The following RIMS1 variants were observed in gnomAD, a reference collection of about 807,000 sequenced individuals.
RIMS1 encodes the protein regulating synaptic membrane exocytosis 1, also known as regulating synaptic membrane exocytosis protein 1.
RIMS1 carries 83 observed loss-of-function variants against 214.1 expected under a neutral mutation model. The ratio of observed to expected loss-of-function variants is 0.39; its 90% CI spans 0.32 to 0.47. RIMS1 has a LOEUF of 0.47. Among genes scored for constraint, RIMS1 ranks in the 20% least tolerant of loss-of-function variants. The pLI, the probability that RIMS1 is intolerant of heterozygous loss-of-function variation, is 0.99. For synonymous variants in RIMS1, 793 were observed against 786.8 expected, an observed-to-expected ratio of 1.01 and a Z score of -0.13; for missense variants, 2,050 against 2,161.8, an observed-to-expected ratio of 0.95 and a Z score of 1.03.
At chr6:72,078,023 A>G (rs974792486) in intron 2 of RIMS1, among the ~76,000 whole-genome samples, 1 of 152,158 alleles carries the variant, frequency 6.6e-6, no homozygotes, top group Non-Finnish European at 1.5e-5. Flanking sequence ...GCTTTTGTTT[A>G]CTATGATGGT....
intron 10 of RIMS1, among the ~76,000 whole-genome samples, chr6:72,242,820 A>T (rs2067542759): frequency 6.6e-6 from 1 of 151,886 alleles, no homozygotes; most frequent in Non-Finnish European, 1.5e-5. Context: ...AATATTAATG[A>T]TTTCATATGT....
At chr6:71,988,336 C>T (rs1800627890) in intron 2 of RIMS1, among the ~76,000 whole-genome samples, 1 of 151,978 alleles carries the variant, frequency 6.6e-6, no homozygotes, top group African/African-American at 2.4e-5. Context: ...CCTTGTCTAT[C>T]TTATTCTTTT....
intron 1 of RIMS1, among the ~76,000 whole-genome samples, chr6:71,952,081 C>A (rs565548843): frequency 6.6e-6 from 1 of 152,190 alleles, no homozygotes; most frequent in East Asian, 1.9e-4. Flanking sequence ...GCAGGCCTGA[C>A]CCTGACTTAC....
At chr6:72,069,418 G>A (rs1401755754) in intron 2 of RIMS1, among the ~76,000 whole-genome samples, 1 of 152,208 alleles carries the variant, frequency 6.6e-6, no homozygotes, top group Non-Finnish European at 1.5e-5. Context: ...GAGCCTGTAA[G>A]GGCAAATTCA....
At chr6:72,336,345 G>A (rs1451368674) in intron 29 of RIMS1, among the ~76,000 whole-genome samples, 2 of 151,784 alleles carry the variant, frequency 1.3e-5, no homozygotes, top group Non-Finnish European at 2.9e-5. Context: ...TTCAAATTAT[G>A]GTCATCAAAA....
intron 29 of RIMS1, among the ~76,000 whole-genome samples, chr6:72,343,761 ACTATT>A (rs1340836126): frequency 6.6e-6 from 1 of 151,572 alleles, no homozygotes; most frequent in Non-Finnish European, 1.5e-5. Context: ...TATGGAGTTC[ACTATT>A]CTACAAGATT....
chr6:72,292,902 G>C (rs893441898), intron 26 of RIMS1, among the ~76,000 whole-genome samples: 1 of 151,948 alleles, frequency 6.6e-6, no homozygotes. Context: ...CAACTGAAAG[G>C]TTAACACTTT....
Position 71,886,875 on chromosome 6 carries a change from T to A in RIMS1, c.-149T>A. On this transcript the variant is annotated 5_prime_UTR_variant, in exon 1 of 34. Transcript: ENST00000521978. ...TTCTCGCTCTCCCCGGCTCTGCTGCTGCTGCTGCTGCCGCCGCCGCCGCTG... is the reference window on the plus strand; with the variant it reads ...TTCTCGCTCTCCCCGGCTCTGCTGCAGCTGCTGCTGCCGCCGCCGCCGCTG... 4 of 789,286 alleles carry A rather than the reference T, an allele frequency of 5.1e-6. No homozygotes were observed. The highest frequency in any genetic ancestry group is 3.2e-4 in the Middle Eastern group (1 of 3,104). The allele number at this position is 789,286 out of a possible 1,614,324, so 48.9% of individuals were successfully genotyped here. A position where few individuals can be genotyped will look rare whatever the true frequency, so the allele number is the denominator to read the frequency against.
chr6:72,033,306 G>C (rs886276435), intron 2 of RIMS1, among the ~76,000 whole-genome samples: 1 of 152,196 alleles, frequency 6.6e-6, no homozygotes, highest in African/African-American at 2.4e-5. Flanking sequence ...GGGGTTATGC[G>C]TGGGCATCTT....
At chr6:72,270,779 TAA>T (rs2082650060) in intron 22 of RIMS1, among the ~76,000 whole-genome samples, 1 of 152,138 alleles carries the variant, frequency 6.6e-6, no homozygotes, top group Non-Finnish European at 1.5e-5. Flanking sequence ...CAGAAAGGGC[TAA>T]GTTTCCTGTG....
chr6:72,197,344 C>T (rs1010205695), intron 6 of RIMS1, among the ~76,000 whole-genome samples: 7 of 151,940 alleles, frequency 4.6e-5, no homozygotes, highest in African/African-American at 1.7e-4. Context: ...GGAAGAACCA[C>T]GATAAACCAA....
At chr6:72,352,961 T>C (rs1306008235) in intron 29 of RIMS1, among the ~76,000 whole-genome samples, 2 of 151,722 alleles carry the variant, frequency 1.3e-5, no homozygotes, top group African/African-American at 4.8e-5. Context: ...ATTAAGTCAT[T>C]TGAGAGTTTA....
intron 2 of RIMS1, among the ~76,000 whole-genome samples, chr6:72,002,117 C>T (rs1051500953): frequency 4.6e-5 from 7 of 152,152 alleles, no homozygotes; most frequent in Non-Finnish European, 7.4e-5. Context: ...TCTCATCAGT[C>T]CGTCTTGCTG....
At chr6:72,375,098 C>T (rs946585747) in intron 29 of RIMS1, among the ~76,000 whole-genome samples, 1 of 152,206 alleles carries the variant, frequency 6.6e-6, no homozygotes, top group Non-Finnish European at 1.5e-5. Context: ...TCCTGCTGTG[C>T]AGCCTGCTTC....
intron 1 of RIMS1, among the ~76,000 whole-genome samples, chr6:71,949,401 A>C (rs956280558): frequency 6.6e-6 from 1 of 152,174 alleles, no homozygotes; most frequent in African/African-American, 2.4e-5. Context: ...GCCATGCATC[A>C]TTAAATACAT....
At chr6:72,345,899 G>T (rs940205967) in intron 29 of RIMS1, among the ~76,000 whole-genome samples, 1 of 151,772 alleles carries the variant, frequency 6.6e-6, no homozygotes, top group Non-Finnish European at 1.5e-5. Context: ...AATTCTGGCA[G>T]TGTTGAGCTT....
At chr6:72,388,549 T>C (rs983517460) in intron 29 of RIMS1, among the ~76,000 whole-genome samples, 5 of 152,208 alleles carry the variant, frequency 3.3e-5, no homozygotes, top group African/African-American at 9.7e-5. Flanking sequence ...ATGGCTGTTA[T>C]GTCAAGAATA....
intron 2 of RIMS1, among the ~76,000 whole-genome samples, chr6:71,978,464 A>G (rs1797702805): frequency 6.6e-6 from 1 of 152,084 alleles, no homozygotes; most frequent in African/African-American, 2.4e-5. Flanking sequence ...CAGAAGATTC[A>G]ATAATTTTCT....
At chr6:72,194,287 C>A (rs2496513) in intron 6 of RIMS1, among the ~76,000 whole-genome samples, 79,905 of 149,044 alleles carry the variant, frequency 0.54, 22,735 homozygotes, top group East Asian at 0.83. Context: ...GGAAGATTAT[C>A]CTCATGGAAT....
Sources: allele counts gnomAD v4.1 joint callset (sites outside exome capture counted in the v4.1 genomes callset), GRCh38; gene constraint gnomAD v4.1.1; transcripts MANE v1.5; gene names NCBI Gene and HGNC (gene_info 2026-07-23, HGNC 2026-07-21).